BRMS1: variants seen among roughly 807,000 people sequenced by gnomAD.
The protein encoded by BRMS1 is breast cancer metastasis-suppressor 1.
A neutral mutation model predicts 40.4 loss-of-function variants in BRMS1; 26 were observed. The observed-to-expected ratio is 0.64, with a 90% CI of 0.47 to 0.89. The LOEUF (loss-of-function observed/expected upper bound fraction) is 0.89. Ranked by LOEUF, BRMS1 falls within the 40% of genes least tolerant of loss-of-function variation. BRMS1 has a pLI of 0.00. For synonymous variants in BRMS1, 103 were observed against 116.0 expected (o/e 0.89, Z 0.72); for missense variants, 289 against 309.4 (o/e 0.93, Z 0.49).
In BRMS1 at chr11:66,340,923, G is replaced by C. The variant is rs753352067; in HGVS notation, c.438+44C>G. The C allele has an allele frequency of 3.1e-6, 5 of 1,613,404 alleles. No individual in the cohort carries two copies. The Admixed American group carries it at 8.3e-5, about 27-fold the overall frequency. On this transcript the variant is annotated intron_variant, in intron 5 of 9. Coordinates refer to ENST00000359957, the MANE Select transcript of BRMS1 (RefSeq NM_015399.4). Reference sequence around the variant, plus strand: ...GACGGATGGGGTGAGGCCACTTCAGGCTTTGTGCCCTGCCTCACCCCCAGT... The same window carrying C: ...GACGGATGGGGTGAGGCCACTTCAGCCTTTGTGCCCTGCCTCACCCCCAGT...
At chr11:66,338,199 T>C in intron 9 of BRMS1, 44 bp downstream of exon 9, 1 of 1,603,380 alleles carries the variant, frequency 6.2e-7, no homozygotes, top group Non-Finnish European at 8.5e-7. Context: ...GGAAAGGTGA[T>C]GGCAAGGGGG....
In BRMS1 at chr11:66,338,180, C is replaced by A; in HGVS notation, c.733+63G>T. The A allele has an allele frequency of 1.9e-6, 3 of 1,588,312 alleles. No individual in the cohort carries two copies. The Admixed American group carries it at 5.3e-5, about 28-fold the overall frequency. The stretch of plus-strand genomic sequence containing the variant: ...CTTTCTCTGGGCTCCTTCCTGGAAG[C>A]TGAGCTGAGGAAAGGTGATGGCAAG... On this transcript the variant is annotated intron_variant, in intron 9 of 9. Transcript: ENST00000359957.
intron 7 of BRMS1, 194 bp downstream of exon 7, chr11:66,339,927 T>C (rs2134961651): frequency 1.9e-6 from 1 of 527,874 alleles, no homozygotes; most frequent in East Asian, 3.0e-5. Context: ...AGGGTTCACA[T>C]AGCCCAGAGA....
chr11:66,339,376 G>A (rs994156295), intron 7 of BRMS1, among the ~76,000 whole-genome samples: 1 of 152,248 alleles, frequency 6.6e-6, no homozygotes, highest in Admixed American at 6.5e-5. Context: ...CCTAGGAAGG[G>A]GTGGAGGCAG....
chr11:66,343,086 GAAACACA>G (rs1371493046), intron 1 of BRMS1, among the ~76,000 whole-genome samples: 2 of 152,150 alleles, frequency 1.3e-5, no homozygotes, highest in African/African-American at 4.8e-5. Context: ...ACAAAACACA[GAAACACA>G]AAACCTCACC....
chr11:66,342,070 G>GTGTGTC (rs1423516725), intron 2 of BRMS1, 26 bp downstream of exon 2: 3 of 1,606,876 alleles, frequency 1.9e-6, no homozygotes, highest in South Asian at 1.1e-5. Flanking sequence ...GTGTGTGTGT[G>GTGTGTC]TGTGTCTGTG....
intron 7 of BRMS1, among the ~76,000 whole-genome samples, 157 bp from the exon 8 acceptor site, chr11:66,338,942 T>A (rs776421876): frequency 6.6e-6 from 1 of 152,074 alleles, no homozygotes; most frequent in Non-Finnish European, 1.5e-5. Context: ...CTTAACCCCC[T>A]GGTTCCAGGG....
At chr11:66,344,906 G>A (rs1313753410) in intron 1 of BRMS1, 66 bp downstream of exon 1, 1 of 152,298 alleles carries the variant, frequency 6.6e-6, no homozygotes, top group Non-Finnish European at 1.5e-5. Flanking sequence ...CGGAGGAGGA[G>A]GTTGTGCCGG....
At chr11:66,343,064 T>C (rs1164106245) in intron 1 of BRMS1, among the ~76,000 whole-genome samples, 3 of 152,234 alleles carry the variant, frequency 2.0e-5, no homozygotes, top group Non-Finnish European at 2.9e-5. Context: ...GCTTGGGTAC[T>C]TCCTAGCATT....
intron 9 of BRMS1, 37 bp downstream of exon 9, chr11:66,338,206 G>A: frequency 1.2e-6 from 2 of 1,606,414 alleles, no homozygotes; most frequent in Middle Eastern, 1.7e-4. Flanking sequence ...TGATGGCAAG[G>A]GGGCAGGGAA....
chr11:66,339,143 C>T (rs1005518751), intron 7 of BRMS1, among the ~76,000 whole-genome samples: 1 of 152,218 alleles, frequency 6.6e-6, no homozygotes, highest in Non-Finnish European at 1.5e-5. Flanking sequence ...TCTCCCTCCC[C>T]CAGTGCTCCC....
chr11:66,338,937 C>G (rs1855003937), intron 7 of BRMS1, 152 bp from the exon 8 acceptor site: 3 of 724,304 alleles, frequency 4.1e-6, no homozygotes, highest in African/African-American at 3.6e-5. Flanking sequence ...TACCTCTTAA[C>G]CCCCTGGTTC....
Position 66,337,851 on chromosome 11 carries a change from C to G in BRMS1, c.*31G>C, listed in dbSNP as rs1437161596. 1.2e-6 allele frequency: 2 copies of G among 1,614,194 alleles called. No individual in the cohort carries two copies. Among genetic ancestry groups the G allele is most frequent in the East Asian group, 4.5e-5 (2 of 44,884 alleles). On this transcript the variant is annotated 3_prime_UTR_variant, in exon 10 of 10. Coordinates refer to ENST00000359957, the MANE Select transcript of BRMS1 (RefSeq NM_015399.4). ...AATCCTGGGTGCAGTGCCAGCTGCT[C>G]TGAGGGTCCCCCTGGCTGTGAACAG...
In BRMS1 at chr11:66,341,747, C is replaced by A. The variant is rs920967705; in HGVS notation, c.140-124G>T. Reference sequence around the variant, plus strand: ...TGTGTGTAGGGCCTGTGTGTGTGTGCGCGTACATGCTTGTGTGAAGGGGCT... The same window carrying A: ...TGTGTGTAGGGCCTGTGTGTGTGTGAGCGTACATGCTTGTGTGAAGGGGCT... On this transcript the variant is annotated intron_variant, in intron 2 of 9. Coordinates refer to ENST00000359957, the MANE Select transcript of BRMS1 (RefSeq NM_015399.4). This position sits in a 1 kb window ranked among gnomAD's most constrained non-coding sequence, Gnocchi z 4.9. 2.4e-5 allele frequency: 20 copies of A among 820,466 alleles called. 1 individual carries two copies. The highest frequency in any genetic ancestry group is 4.6e-4 in the Middle Eastern group (2 of 4,334). The allele number at this position is 820,466 out of a possible 1,614,324, so 50.8% of individuals were successfully genotyped here. A position where few individuals can be genotyped will look rare whatever the true frequency, so the allele number is the denominator to read the frequency against.
chr11:66,342,796 C>T (rs559817331), intron 1 of BRMS1, among the ~76,000 whole-genome samples: 1 of 152,348 alleles, frequency 6.6e-6, no homozygotes, highest in South Asian at 2.1e-4. Flanking sequence ...ACCGGTCCAG[C>T]TCCTTCATCC....
chr11:66,337,625 G>T lies in BRMS1; in HGVS notation c.*257C>A. 1 of 1,431,112 alleles carries T rather than the reference G, an allele frequency of 7.0e-7. No homozygotes were observed. The highest frequency in any genetic ancestry group is 9.4e-7 in the Non-Finnish European group (1 of 1,061,330). The allele number at this position is 1,431,112 out of a possible 1,614,324, so 88.7% of individuals were successfully genotyped here. A position where few individuals can be genotyped will look rare whatever the true frequency, so the allele number is the denominator to read the frequency against. ...GATGGATCTTCAGGAGTGGGAGGTG[G>T]CAGGCGGCTCAGGGATGGAGACAGC... is the stretch of plus-strand genomic sequence containing the variant. On this transcript the variant is annotated 3_prime_UTR_variant, in exon 10 of 10. Transcript: ENST00000359957.
chr11:66,337,339 T>G lies in BRMS1; in HGVS notation c.*543A>C. ...CACACACACACAGGGCACGCCAGAG[T>G]CCCAGGAAAGGTTTTAATTCCAGTC... On this transcript the variant is annotated 3_prime_UTR_variant, in exon 10 of 10. Coordinates refer to ENST00000359957, the MANE Select transcript of BRMS1 (RefSeq NM_015399.4). 1 of 302,856 alleles carries G rather than the reference T, an allele frequency of 3.3e-6. No individual in the cohort carries two copies. Among genetic ancestry groups the G allele is most frequent in the Non-Finnish European group, 6.3e-6 (1 of 159,508 alleles). The allele number at this position is 302,856 out of a possible 1,614,324, so 18.8% of individuals were successfully genotyped here.
chr11:66,338,459 G>A (rs1440249058), intron 8 of BRMS1, 177 bp from the exon 9 acceptor site: 24 of 1,511,404 alleles, frequency 1.6e-5, no homozygotes, highest in South Asian at 1.0e-4. Context: ...CCAGCTCAGC[G>A]GCTCTCCCGC....
rs932879158 is a variant in BRMS1 at position 66,341,414 on chromosome 11, A to T, written c.231-81T>A. 1.2e-6 allele frequency: 2 copies of T among 1,603,406 alleles called. No homozygotes were observed. The highest frequency in any genetic ancestry group is 8.5e-7 in the Non-Finnish European group (1 of 1,172,310). On this transcript the variant is annotated intron_variant, in intron 3 of 9. Coordinates refer to ENST00000359957, the MANE Select transcript of BRMS1 (RefSeq NM_015399.4). The surrounding 1 kb of genome is among the most constrained non-coding windows in gnomAD (Gnocchi z 4.9). ...AACACATACCCAGCACCCATTCCAC[A>T]GCAAGCCCGGTGTTAGGCGCGCACT...
Sources: gnomAD v4.1 joint callset for allele counts (sites outside exome capture counted in the v4.1 genomes callset) on GRCh38, gnomAD v4.1.1 for gene constraint, Gnocchi (gnomAD v3.1) non-coding constraint, MANE v1.5 for transcripts, NCBI Gene and HGNC (gene_info 2026-07-23, HGNC 2026-07-21) for gene names.